Variants in CCDC141 observed in about 807,000 individuals in gnomAD.
The protein encoded by CCDC141 is coiled-coil domain containing 141.
In CCDC141, 168 loss-of-function variants were observed where a neutral mutation model predicts 181.0. The ratio of observed to expected loss-of-function variants is 0.93; its 90% confidence interval spans 0.82 to 1.05. The LOEUF (loss-of-function observed/expected upper bound fraction) is 1.05. Among genes scored for constraint, CCDC141 ranks in the 50% least tolerant of loss-of-function variants. The pLI is 0.00. For synonymous variants in CCDC141, 666 were observed against 642.3 expected (o/e 1.04, Z -0.56); for missense variants, 1,902 against 1,788.5 (o/e 1.06, Z -1.14).
At chr2:178,828,011 C>A (rs547715245), downstream of CCDC141, among the ~76,000 whole-genome samples, 31 of 152,088 alleles carry the variant, frequency 2.0e-4, no homozygotes, top group Admixed American at 1.2e-3. Context: ...CCAATCTCTG[C>A]CTCTGTTGTC....
chr2:178,854,873 A>G lies in CCDC141; in HGVS notation c.3060+474T>C, dbSNP rs138789818. On this transcript the variant is annotated intron_variant, in intron 19 of 23. Coordinates refer to ENST00000443758, the MANE Select transcript of CCDC141 (RefSeq NM_173648.4). The stretch of plus-strand genomic sequence containing the variant: ...TTGCCAAATTTCATATATTTTATGT[A>G]TACTCTACCATTTATCTTCTTGACA... 4.6e-3 allele frequency among the ~76,000 whole-genome samples: 697 copies of G among 152,332 alleles called. 1 individual carries two copies. The highest frequency in any genetic ancestry group is 0.016 in the African/African-American group (679 of 41,574).
At chr2:178,975,248 C>A in intron 3 of CCDC141, 83 bp from the exon 4 acceptor site, 1 of 668,032 alleles carries the variant, frequency 1.5e-6, no homozygotes, top group South Asian at 2.3e-5. Flanking sequence ...AGATGTTTTT[C>A]ATAAATTAGT....
chr2:178,900,858 G>C (rs1687653168), intron 8 of CCDC141, among the ~76,000 whole-genome samples: 1 of 152,158 alleles, frequency 6.6e-6, no homozygotes, highest in Non-Finnish European at 1.5e-5. Context: ...AAGTACATGA[G>C]CAAGGGTTTT....
At chr2:178,968,655 C>G (rs1038724496) in intron 4 of CCDC141, among the ~76,000 whole-genome samples, 1 of 152,084 alleles carries the variant, frequency 6.6e-6, no homozygotes, top group Non-Finnish European at 1.5e-5. Flanking sequence ...AAAATTGACA[C>G]CTTAACATCA....
At chr2:178,899,747 G>A (rs560917510) in intron 8 of CCDC141, among the ~76,000 whole-genome samples, 2 of 152,248 alleles carry the variant, frequency 1.3e-5, no homozygotes, top group South Asian at 4.1e-4. Context: ...TTGCTCTGTT[G>A]AAATTTACAT....
chr2:178,965,854 A>T (rs774355210), intron 4 of CCDC141, among the ~76,000 whole-genome samples: 6 of 152,104 alleles, frequency 3.9e-5, no homozygotes, highest in Non-Finnish European at 5.9e-5. Flanking sequence ...AGCCCAGCAA[A>T]CTAAGATCCA....
At chr2:178,930,526 T>C (rs1689063214) in intron 6 of CCDC141, among the ~76,000 whole-genome samples, 1 of 152,012 alleles carries the variant, frequency 6.6e-6, no homozygotes, top group African/African-American at 2.4e-5. Context: ...AGAAGAAAAT[T>C]AGAGAACTTA....
intron 2 of CCDC141, among the ~76,000 whole-genome samples, chr2:179,011,203 CA>C (rs2042261075): frequency 1.3e-5 from 2 of 151,730 alleles, no homozygotes; most frequent in African/African-American, 4.8e-5. Flanking sequence ...AAGAACTCAT[CA>C]ACCAACTATC....
intron 3 of CCDC141, among the ~76,000 whole-genome samples, chr2:178,977,997 G>C (rs1191444842): frequency 6.6e-6 from 1 of 152,062 alleles, no homozygotes; most frequent in South Asian, 2.1e-4. Context: ...ATACGCCTTA[G>C]GAAAGTACTT....
chr2:178,968,368 G>A lies in CCDC141; in HGVS notation c.526+6689C>T, dbSNP rs568094363. 5.3e-5 allele frequency among the ~76,000 whole-genome samples: 8 copies of A among 151,974 alleles called. 1 individual carries two copies. Among genetic ancestry groups the A allele is most frequent in the Admixed American group, 3.9e-4 (6 of 15,246 alleles). The stretch of plus-strand genomic sequence containing the variant: ...TACTCCTCAGCAAATGCAAAAGAAC[G>A]GAAATCATAACAGACAGCCTCTCAG... On this transcript the variant is annotated intron_variant, in intron 4 of 23. Transcript: ENST00000443758.
intron 5 of CCDC141, among the ~76,000 whole-genome samples, chr2:178,953,674 G>A (rs144563620): frequency 3.8e-4 from 58 of 152,288 alleles, no homozygotes; most frequent in Middle Eastern, 3.4e-3. Flanking sequence ...CTTGGTGATA[G>A]GTTTAGTATC....
intron 15 of CCDC141, among the ~76,000 whole-genome samples, chr2:178,868,861 ACTTGTCAAATAATGGCAGC>A (rs1176484504): frequency 6.6e-6 from 1 of 152,154 alleles, no homozygotes; most frequent in African/African-American, 2.4e-5. Flanking sequence ...AGAAAGACAG[ACTTGTCAAATAATGGCAGC>A]CTGAGAGTCA....
chr2:178,958,038 C>T (rs1690233258), intron 5 of CCDC141, among the ~76,000 whole-genome samples: 1 of 152,140 alleles, frequency 6.6e-6, no homozygotes, highest in African/African-American at 2.4e-5. Context: ...TGAAAAACGC[C>T]AATCTGAAAA....
chr2:178,896,190 C>T (rs1687395389), intron 8 of CCDC141, among the ~76,000 whole-genome samples: 1 of 152,136 alleles, frequency 6.6e-6, no homozygotes. Context: ...AGATGTAGAC[C>T]CTTCACCCAT....
chr2:179,042,419 C>T (rs1265058825), intron 2 of CCDC141, among the ~76,000 whole-genome samples: 2 of 152,182 alleles, frequency 1.3e-5, no homozygotes, highest in Non-Finnish European at 2.9e-5. Context: ...GCAATCTTGG[C>T]TTACTGCAAC....
intron 2 of CCDC141, among the ~76,000 whole-genome samples, chr2:179,041,059 T>TTTTGTTTG (rs140907026): frequency 1.2e-3 from 187 of 151,618 alleles, no homozygotes; most frequent in African/African-American, 4.1e-3. Context: ...TCTGCTGTTG[T>TTTTGTTTG]TTTGTTTGTT....
intron 17 of CCDC141, among the ~76,000 whole-genome samples, chr2:178,861,959 G>T (rs954553651): frequency 6.6e-6 from 1 of 152,140 alleles, no homozygotes. Flanking sequence ...CTCTTTCTCT[G>T]CTTCCTTTCC....
At chr2:178,872,404 T>C (rs1223560501) in intron 12 of CCDC141, 92 bp from the exon 13 acceptor site, 2 of 1,196,610 alleles carry the variant, frequency 1.7e-6, no homozygotes, top group Non-Finnish European at 2.3e-6. Context: ...AAATTCTTTA[T>C]CACAACCAAA....
At chr2:178,922,128 C>T (rs1050451458) in intron 6 of CCDC141, among the ~76,000 whole-genome samples, 9 of 152,126 alleles carry the variant, frequency 5.9e-5, no homozygotes, top group African/African-American at 2.2e-4. Context: ...CAACACTAAG[C>T]TCTAGGATGT....
Sources: gnomAD v4.1 joint callset for allele counts (sites outside exome capture counted in the v4.1 genomes callset) on GRCh38, gnomAD v4.1.1 for gene constraint, MANE v1.5 for transcripts, NCBI Gene and HGNC (gene_info 2026-07-23, HGNC 2026-07-21) for gene names.